The following CYP7B1 variants were observed in gnomAD, a reference collection of about 807,000 sequenced individuals.
The protein encoded by CYP7B1 is cytochrome P450 family 7 subfamily B member 1.
In CYP7B1, 29 loss-of-function variants were observed where a neutral mutation model predicts 42.7. The ratio of observed to expected loss-of-function variants is 0.68; its 90% CI spans 0.51 to 0.93. The LOEUF (loss-of-function observed/expected upper bound fraction) is 0.93. Ranked by LOEUF, CYP7B1 falls within the 40% of genes least tolerant of loss-of-function variation. The probability of loss-of-function intolerance (pLI) is 0.00; values close to 1 mark genes in which losing one functional copy is unlikely to be tolerated. For synonymous variants in CYP7B1, 235 were observed against 218.2 expected, an observed-to-expected ratio of 1.08 and a Z score of -0.68; for missense variants, 655 against 600.5, an observed-to-expected ratio of 1.09 and a Z score of -0.95.
At chr8:64,655,293 C>T (rs1056663511) in intron 1 of CYP7B1, among the ~76,000 whole-genome samples, 1 of 152,088 alleles carries the variant, frequency 6.6e-6, no homozygotes, top group African/African-American at 2.4e-5. Context: ...GTCTAATATC[C>T]AGTATCTATA....
chr8:64,795,648 C>A (rs1338071444), intron 1 of CYP7B1, among the ~76,000 whole-genome samples: 1 of 152,308 alleles, frequency 6.6e-6, no homozygotes, highest in East Asian at 1.9e-4. Flanking sequence ...AACTTCTAAG[C>A]TTCATTGTTG....
At chr8:64,654,912 G>A (rs1338190189) in intron 1 of CYP7B1, among the ~76,000 whole-genome samples, 3 of 152,148 alleles carry the variant, frequency 2.0e-5, no homozygotes, top group Non-Finnish European at 2.9e-5. Context: ...ACAAAAACAA[G>A]CAATGAGGAA....
intron 1 of CYP7B1, among the ~76,000 whole-genome samples, chr8:64,633,821 G>A (rs560604973): frequency 1.3e-5 from 2 of 152,236 alleles, no homozygotes; most frequent in East Asian, 1.9e-4. Context: ...AGAACAAAGT[G>A]GAAAGACTTA....
chr8:64,774,561 A>G (rs571629833), intron 1 of CYP7B1, among the ~76,000 whole-genome samples: 1 of 152,292 alleles, frequency 6.6e-6, no homozygotes, highest in African/African-American at 2.4e-5. Context: ...ACACTGACAA[A>G]TCTTGAATTT....
chr8:64,782,182 G>C (rs2129683412), intron 1 of CYP7B1, among the ~76,000 whole-genome samples: 1 of 152,234 alleles, frequency 6.6e-6, no homozygotes, highest in South Asian at 2.1e-4. Context: ...TGTAGGGAAA[G>C]ACTGAGCTGC....
chr8:64,655,943 G>A (rs951993628), intron 1 of CYP7B1, among the ~76,000 whole-genome samples: 1 of 152,158 alleles, frequency 6.6e-6, no homozygotes, highest in African/African-American at 2.4e-5. Context: ...TCACTTATGA[G>A]TGGGAGCTAA....
chr8:64,746,331 A>G (rs1389119450), intron 1 of CYP7B1, among the ~76,000 whole-genome samples: 2 of 152,152 alleles, frequency 1.3e-5, no homozygotes, highest in Non-Finnish European at 2.9e-5. Context: ...AAAGGAAAGC[A>G]TTTTTCTCCT....
At chr8:64,791,686 G>T (rs1804621173) in intron 1 of CYP7B1, among the ~76,000 whole-genome samples, 1 of 152,194 alleles carries the variant, frequency 6.6e-6, no homozygotes, top group South Asian at 2.1e-4. Flanking sequence ...TGTAAGAGAA[G>T]AAATTCTCTG....
intron 1 of CYP7B1, chr8:64,703,926 T>C (rs1251792732): frequency 6.6e-6 from 1 of 152,048 alleles, no homozygotes; most frequent in East Asian, 1.9e-4. Flanking sequence ...AAGTGAATAT[T>C]GTGGGTAATA....
At chr8:64,665,179 A>G (rs1204848497) in intron 1 of CYP7B1, among the ~76,000 whole-genome samples, 1 of 152,216 alleles carries the variant, frequency 6.6e-6, no homozygotes, top group East Asian at 1.9e-4. Flanking sequence ...GCAGTACTCC[A>G]ATTAAAAGTT....
chr8:64,721,560 T>C (rs1807236862), intron 1 of CYP7B1, among the ~76,000 whole-genome samples: 1 of 152,150 alleles, frequency 6.6e-6, no homozygotes, highest in Non-Finnish European at 1.5e-5. Context: ...TGAAGGATGA[T>C]TAAAAGATTA....
intron 1 of CYP7B1, among the ~76,000 whole-genome samples, chr8:64,686,106 G>A (rs1806635690): frequency 8.6e-6 from 1 of 116,046 alleles, no homozygotes; most frequent in Non-Finnish European, 1.9e-5. Context: ...GGAGGTGGGG[G>A]GGTCAGCCCT....
At chr8:64,776,672 T>C in intron 1 of CYP7B1, among the ~76,000 whole-genome samples, 1 of 151,990 alleles carries the variant, frequency 6.6e-6, no homozygotes, top group Non-Finnish European at 1.5e-5. Flanking sequence ...AGCATGGCAT[T>C]TGAGAAAACA....
chr8:64,741,657 T>A (rs1807570992), intron 1 of CYP7B1, among the ~76,000 whole-genome samples: 1 of 152,160 alleles, frequency 6.6e-6, no homozygotes, highest in African/African-American at 2.4e-5. Flanking sequence ...ATAGCAAGGT[T>A]ATAGGATACA....
downstream of CYP7B1, chr8:64,589,882 G>C (rs1805012269): frequency 6.6e-6 from 1 of 152,076 alleles, no homozygotes; most frequent in African/African-American, 2.4e-5. Context: ...TTATATCTCT[G>C]AACATTTACT....
At chr8:64,688,842 G>T (rs1806696087) in intron 1 of CYP7B1, among the ~76,000 whole-genome samples, 1 of 152,170 alleles carries the variant, frequency 6.6e-6, no homozygotes, top group Non-Finnish European at 1.5e-5. Flanking sequence ...TGGGAGGATT[G>T]CTCAACCTGG....
chr8:64,590,501 C>G (rs1403660773), downstream of CYP7B1, among the ~76,000 whole-genome samples: 1 of 152,134 alleles, frequency 6.6e-6, no homozygotes, highest in Non-Finnish European at 1.5e-5. Context: ...AAACTCTCTC[C>G]CATTTATTGT....
At chr8:64,707,691 G>GTT (rs544341888) in intron 1 of CYP7B1, among the ~76,000 whole-genome samples, 2 of 148,000 alleles carry the variant, frequency 1.4e-5, no homozygotes, top group Non-Finnish European at 3.0e-5. Flanking sequence ...TATTCAATTA[G>GTT]TTTTTTTTTT....
chr8:64,700,484 T>G (rs751457017), intron 1 of CYP7B1, among the ~76,000 whole-genome samples: 1 of 152,110 alleles, frequency 6.6e-6, no homozygotes, highest in Non-Finnish European at 1.5e-5. Context: ...AAACTATGTA[T>G]GGGAAGTACC....
Sources: allele counts gnomAD v4.1 joint callset (sites outside exome capture counted in the v4.1 genomes callset), GRCh38; gene constraint gnomAD v4.1.1; transcripts MANE v1.5; gene names NCBI Gene and HGNC (gene_info 2026-07-23, HGNC 2026-07-21).